VSNL1: variants seen among roughly 807,000 people sequenced by gnomAD.
VSNL1 encodes visinin like 1, also known as visinin-like protein 1.
In VSNL1, 6 loss-of-function variants were observed where a neutral mutation model predicts 20.4. That is an observed-to-expected ratio of 0.29 (90% confidence interval 0.16 to 0.58). The LOEUF (loss-of-function observed/expected upper bound fraction) is 0.58, where lower values mean the gene tolerates loss of function less well. Among genes scored for constraint, VSNL1 ranks in the 20% least tolerant of loss-of-function variants. The pLI is 0.90. For synonymous variants in VSNL1, 93 were observed against 86.4 expected (o/e 1.08, Z -0.42); for missense variants, 100 against 234.5 (o/e 0.43, Z 3.75).
chr2:17,594,192 T>C (rs555711812), intron 2 of VSNL1, among the ~76,000 whole-genome samples: 51 of 152,324 alleles, frequency 3.3e-4, no homozygotes, highest in African/African-American at 1.2e-3. Flanking sequence ...AACTGATATA[T>C]ATGCACCAAA....
At position 17,652,986 on chromosome 2, in the gene VSNL1, T is replaced by C. The variant is rs533881762; in HGVS notation, c.379-2211T>C. 2.4e-3 allele frequency among the ~76,000 whole-genome samples: 372 copies of C among 152,328 alleles called. 4 individuals carry two copies. The highest frequency in any genetic ancestry group is 0.01 in the Middle Eastern group (3 of 294). ...GTTCATCTACTTTGTTTCCCACCTC[T>C]TAGGAATTACAGTCTTGCACTGTCA... On this transcript the variant is annotated intron_variant, in intron 3 of 3. Coordinates refer to ENST00000295156, the MANE Select transcript of VSNL1 (RefSeq NM_003385.5).
At chr2:17,622,600 GA>G (rs200558499) in intron 2 of VSNL1, among the ~76,000 whole-genome samples, 72 of 115,714 alleles carry the variant, frequency 6.2e-4, no homozygotes, top group African/African-American at 2.1e-3. Flanking sequence ...AAGAAAGAAA[GA>G]AAAGAAAGAA....
chr2:17,562,648 A>G (rs62131517), intron 1 of VSNL1, among the ~76,000 whole-genome samples: 5,075 of 152,242 alleles, frequency 0.033, 92 homozygotes, highest in East Asian at 0.097. Flanking sequence ...AGATGTACCT[A>G]CCTCTAAACG....
chr2:17,637,532 C>T (rs907065649), intron 2 of VSNL1, among the ~76,000 whole-genome samples: 1 of 152,104 alleles, frequency 6.6e-6, no homozygotes, highest in Non-Finnish European at 1.5e-5. Flanking sequence ...CTCCAGCTAC[C>T]ATCCAGCCCC....
intron 2 of VSNL1, among the ~76,000 whole-genome samples, chr2:17,627,984 G>T (rs1014011774): frequency 1.3e-5 from 2 of 152,244 alleles, no homozygotes; most frequent in Non-Finnish European, 1.5e-5. Context: ...GCAAGATGGG[G>T]TCAGTTAGGT....
chr2:17,633,201 G>C (rs1422443256), intron 2 of VSNL1, among the ~76,000 whole-genome samples: 1 of 152,034 alleles, frequency 6.6e-6, no homozygotes, highest in African/African-American at 2.4e-5. Context: ...ATCTCGTGAG[G>C]CTTATTCACT....
At chr2:17,559,758 G>A (rs1356610749) in intron 1 of VSNL1, among the ~76,000 whole-genome samples, 1 of 152,066 alleles carries the variant, frequency 6.6e-6, no homozygotes, top group Non-Finnish European at 1.5e-5. Flanking sequence ...AGTAGATACA[G>A]ATTTATCTTT....
chr2:17,577,064 T>C (rs182020397), intron 1 of VSNL1, among the ~76,000 whole-genome samples: 1 of 152,380 alleles, frequency 6.6e-6, no homozygotes, highest in African/African-American at 2.4e-5. Context: ...TACAGCAGGT[T>C]ACTGTACTGA....
chr2:17,644,172 A>T (rs565574241), intron 2 of VSNL1, among the ~76,000 whole-genome samples: 3 of 152,326 alleles, frequency 2.0e-5, no homozygotes. Context: ...GGCCTCATGG[A>T]TGTGAAGAGC....
At chr2:17,620,077 G>A (rs932810852) in intron 2 of VSNL1, among the ~76,000 whole-genome samples, 2 of 152,252 alleles carry the variant, frequency 1.3e-5, no homozygotes, top group African/African-American at 4.8e-5. Context: ...GCATTTGAGA[G>A]GGAGGCCTTC....
At chr2:17,612,207 T>A (rs1665108197) in intron 2 of VSNL1, among the ~76,000 whole-genome samples, 1 of 152,192 alleles carries the variant, frequency 6.6e-6, no homozygotes. Context: ...CATGGTCCTT[T>A]TTGGAGGCTG....
chr2:17,655,078 GA>G lies in VSNL1; in HGVS notation c.379-116del. On this transcript the variant is annotated intron_variant, in intron 3 of 3. Coordinates refer to ENST00000295156, the MANE Select transcript of VSNL1 (RefSeq NM_003385.5). This position sits in a 1 kb window ranked among gnomAD's most constrained non-coding sequence, Gnocchi z 5.2. ...GCACAAGGAGTGAAACTCCTCTGGGGAAAGGGAAGCTGAGGCTTGGAGGATG... is the reference window on the plus strand; with the variant it reads ...GCACAAGGAGTGAAACTCCTCTGGGGAAGGGAAGCTGAGGCTTGGAGGATG... 1 of 1,005,880 alleles carries G rather than the reference GA, an allele frequency of 9.9e-7. No individual in the cohort carries two copies. The highest frequency in any genetic ancestry group is 1.5e-6 in the Non-Finnish European group (1 of 677,740). 62.3% of individuals were successfully genotyped at this position (1,005,880 alleles called of 1,614,324 possible). A position where few individuals can be genotyped will look rare whatever the true frequency, so the allele number is the denominator to read the frequency against.
At chr2:17,629,082 T>C (rs1045616263) in intron 2 of VSNL1, among the ~76,000 whole-genome samples, 7 of 152,248 alleles carry the variant, frequency 4.6e-5, no homozygotes, top group African/African-American at 1.4e-4. Flanking sequence ...TGCATCTTCC[T>C]TGGGTGTCTG....
intron 1 of VSNL1, among the ~76,000 whole-genome samples, chr2:17,584,587 G>C (rs898788196): frequency 2.6e-5 from 4 of 152,098 alleles, no homozygotes; most frequent in Admixed American, 6.5e-5. Flanking sequence ...TTTGGCCAAG[G>C]CTCCAGAGCC....
chr2:17,580,451 C>A (rs1272181826), intron 1 of VSNL1, among the ~76,000 whole-genome samples: 1 of 152,210 alleles, frequency 6.6e-6, no homozygotes, highest in Admixed American at 6.5e-5. Flanking sequence ...GTTTTCCAAG[C>A]CTCCCAAAGG....
chr2:17,596,768 C>T (rs962196781), intron 2 of VSNL1, among the ~76,000 whole-genome samples: 1 of 151,460 alleles, frequency 6.6e-6, no homozygotes, highest in African/African-American at 2.5e-5. Flanking sequence ...TGGAATCTGA[C>T]AGATGTGAGA....
At chr2:17,579,277 G>A (rs1009539192) in intron 1 of VSNL1, among the ~76,000 whole-genome samples, 1 of 151,986 alleles carries the variant, frequency 6.6e-6, no homozygotes, top group South Asian at 2.1e-4. Context: ...CACCACGCCC[G>A]GCTAATTTTT....
intron 2 of VSNL1, among the ~76,000 whole-genome samples, chr2:17,617,889 G>GCACATGCACGCACA (rs1665256483): frequency 2.7e-5 from 4 of 149,660 alleles, no homozygotes; most frequent in Non-Finnish European, 6.0e-5. Flanking sequence ...ACATGCACGC[G>GCACATGCACGCACA]CACACACACA....
intron 3 of VSNL1, among the ~76,000 whole-genome samples, chr2:17,651,657 CCCGG>C: frequency 6.6e-6 from 1 of 152,338 alleles, no homozygotes; most frequent in East Asian, 1.9e-4. Context: ...AGCACCAAGG[CCCGG>C]TGGGCAGTCC....
Sources: allele counts gnomAD v4.1 joint callset (sites outside exome capture counted in the v4.1 genomes callset), GRCh38; gene constraint gnomAD v4.1.1; non-coding constraint Gnocchi (gnomAD v3.1); transcripts MANE v1.5; gene names NCBI Gene and HGNC (gene_info 2026-07-23, HGNC 2026-07-21).